Variants in COL5A3 observed in about 807,000 individuals in gnomAD.
COL5A3 encodes the protein collagen alpha-3(V) chain.
A neutral mutation model predicts 250.0 loss-of-function variants in COL5A3; 172 were observed. That is an observed-to-expected ratio of 0.69 (90% CI 0.61 to 0.78). The LOEUF (loss-of-function observed/expected upper bound fraction) is 0.78, where lower values mean the gene tolerates loss of function less well. Among genes scored for constraint, COL5A3 ranks in the 30% least tolerant of loss-of-function variants. The probability of loss-of-function intolerance (pLI) is 0.00; values close to 1 mark genes in which losing one functional copy is unlikely to be tolerated. For missense variants in COL5A3, 2,340 were observed against 2,334.4 expected (o/e 1.00, Z -0.05); for synonymous variants, 937 against 900.4 (o/e 1.04, Z -0.73).
intron 65 of COL5A3, among the ~76,000 whole-genome samples, chr19:9,961,792 T>A (rs954175503): frequency 6.6e-6 from 1 of 152,048 alleles, no homozygotes; most frequent in Non-Finnish European, 1.5e-5. Flanking sequence ...TCTCCTGACC[T>A]CGTGATCCGC....
intron 6 of COL5A3, among the ~76,000 whole-genome samples, chr19:10,002,935 C>A (rs1473469318): frequency 6.6e-6 from 1 of 152,122 alleles, no homozygotes; most frequent in Admixed American, 6.5e-5. Context: ...CCAACAACCC[C>A]CCAGTCATTG....
intron 4 of COL5A3, 142 bp downstream of exon 4, chr19:10,005,416 G>A (rs969602979): frequency 1.1e-5 from 9 of 799,638 alleles, no homozygotes; most frequent in African/African-American, 6.9e-5. Context: ...AACGGTGCAC[G>A]AAAGCATGAA....
intron 65 of COL5A3, 70 bp downstream of exon 65, chr19:9,962,749 A>C: frequency 1.6e-6 from 2 of 1,229,908 alleles, no homozygotes; most frequent in Non-Finnish European, 2.3e-6. Context: ...CTCAGAACCC[A>C]CCCCTCAAAC....
chr19:9,982,398 C>G (rs2087024086), intron 31 of COL5A3, among the ~76,000 whole-genome samples: 1 of 152,198 alleles, frequency 6.6e-6, no homozygotes, highest in African/African-American at 2.4e-5. Flanking sequence ...CCATTTAGAT[C>G]TCATTCAGAT....
rs926327725 is a variant in COL5A3 at position 9,960,987 on chromosome 19, A to AC, written c.4852-98dup. ...ATCTCCATCCACTGGCAGACAAGCCACCCCCCCCATGTCACCATCTCTGAG... is the reference window on the plus strand; with the variant it reads ...ATCTCCATCCACTGGCAGACAAGCCACCCCCCCCCATGTCACCATCTCTGAG... On this transcript the variant is annotated intron_variant, in intron 65 of 66. Transcript: ENST00000264828. 1,264 of 1,451,212 alleles carry AC rather than the reference A, an allele frequency of 8.7e-4. 2 individuals are homozygous for AC. The highest frequency in any genetic ancestry group is 3.2e-3 in the African/African-American group (226 of 69,714). 89.9% of individuals were successfully genotyped at this position (1,451,212 alleles called of 1,614,324 possible).
rs138241329 is a variant in COL5A3, at chr19:9,993,665, C to T, written c.1649G>A (p.Arg550His). Residue 550 changes from arginine (R) to histidine (H), a missense_variant, in exon 18 of 67, where the codon CGT (arginine) becomes CAT (histidine). Coordinates refer to ENST00000264828, the MANE Select transcript of COL5A3 (RefSeq NM_015719.4). The stretch of plus-strand genomic sequence containing the variant: ...CAGCCCAGGGAGGCCATCGAAGCCA[C>T]GATCACCCTGTCCAGAGACACCAGT... ...LPGDTGPKGD[R>H]GFDGLPGLPG... 94 of 1,614,118 alleles carry T rather than the reference C, an allele frequency of 5.8e-5. No individual in the cohort carries two copies. In the African/African-American group the frequency reaches 8.1e-4, roughly 14 times the overall value.
At chr19:9,999,006 T>C (rs893031163) in intron 8 of COL5A3, among the ~76,000 whole-genome samples, 3 of 129,124 alleles carry the variant, frequency 2.3e-5, no homozygotes, top group African/African-American at 8.5e-5. Context: ...CCTTTCTTTC[T>C]TTTCTTTCTT....
intron 31 of COL5A3, 133 bp from the exon 32 acceptor site, chr19:9,982,251 G>A: frequency 1.6e-6 from 1 of 606,480 alleles, no homozygotes; most frequent in Non-Finnish European, 2.9e-6. Flanking sequence ...TACAGCCCCA[G>A]CCTCCTACAA....
At chr19:10,006,507 G>A (rs2087446541) in intron 1 of COL5A3, among the ~76,000 whole-genome samples, 1 of 151,968 alleles carries the variant, frequency 6.6e-6, no homozygotes, top group African/African-American at 2.4e-5. Context: ...CTAGTTCTGG[G>A]ATGAATCAAA....
In COL5A3 at chr19:9,977,380, G is replaced by A. The variant is rs772405977; in HGVS notation, c.3219C>T (p.Gly1073=). The change falls in exon 43 of 67, where the codon GGC becomes GGT. Residue 1073 remains glycine (G), a synonymous_variant. Coordinates refer to ENST00000264828, the MANE Select transcript of COL5A3 (RefSeq NM_015719.4). ...AACCCCTCACCTTGTCCCCTTCCTC[G>A]CCAGAAGGCCCAGCAGCTCCAGGGG... ...LGPPGAAGPS[G]EEGDKGDVGA... The A allele has an allele frequency of 1.9e-5, 30 of 1,585,422 alleles. No individual in the cohort carries two copies. Among genetic ancestry groups the A allele is most frequent in the Middle Eastern group, 3.4e-4 (2 of 5,938 alleles).
Position 9,986,338 on chromosome 19 carries a change from G to GC in COL5A3, c.2328dup (p.Pro777AlafsTer26). ...ACCTTCTCCCCAGCTGAGCCTGGGG[G>GC]CCCCTCCTCGCCAGCCTGCCCCGCC... On this transcript the variant is annotated frameshift_variant, in exon 30 of 67. Coordinates refer to ENST00000264828, the MANE Select transcript of COL5A3 (RefSeq NM_015719.4). LOFTEE classifies it high-confidence loss of function. The GC allele has an allele frequency of 6.3e-7, 1 of 1,582,534 alleles. No homozygotes were observed. The highest frequency in any genetic ancestry group is 8.5e-7 in the Non-Finnish European group (1 of 1,171,336).
At chr19:9,994,561 T>C (rs1192330212) in intron 16 of COL5A3, among the ~76,000 whole-genome samples, 2 of 15,778 alleles carry the variant, frequency 1.3e-4, no homozygotes, top group East Asian at 2.2e-3. Context: ...ATGTTTTACA[T>C]ATATATATAT....
chr19:9,984,271 C>T (rs1017347907), intron 31 of COL5A3, among the ~76,000 whole-genome samples: 2 of 152,188 alleles, frequency 1.3e-5, no homozygotes, highest in Non-Finnish European at 1.5e-5. Flanking sequence ...GATCCACTCG[C>T]CTCGGCCTCC....
At chr19:9,983,926 C>A (rs577039199) in intron 31 of COL5A3, among the ~76,000 whole-genome samples, 13 of 150,234 alleles carry the variant, frequency 8.7e-5, no homozygotes, top group Non-Finnish European at 1.3e-4. Context: ...AAAAAAAAAA[C>A]CACTGTCAAA....
chr19:9,987,214 C>G (rs1487697804), intron 27 of COL5A3, among the ~76,000 whole-genome samples: 1 of 152,188 alleles, frequency 6.6e-6, no homozygotes, highest in East Asian at 1.9e-4. Flanking sequence ...CTGAAAACTG[C>G]ACTTGGCTAC....
chr19:9,965,156 C>CTTTTT (rs771519552), intron 64 of COL5A3, among the ~76,000 whole-genome samples: 3 of 100,302 alleles, frequency 3.0e-5, no homozygotes, highest in Non-Finnish European at 6.2e-5. Flanking sequence ...TTTTCTTTTT[C>CTTTTT]TTTTTTTTTT....
chr19:10,010,261 G>A lies in COL5A3; in HGVS notation c.88+37C>T, dbSNP rs745725381. The A allele has an allele frequency of 2.6e-5, 35 of 1,337,354 alleles. No homozygotes were observed. The African/African-American group carries it at 5.1e-4, about 19-fold the overall frequency. The allele number at this position is 1,337,354 out of a possible 1,614,324, so 82.8% of individuals were successfully genotyped here. A position where few individuals can be genotyped will look rare whatever the true frequency, so the allele number is the denominator to read the frequency against. On this transcript the variant is annotated intron_variant, in intron 1 of 66. Transcript: ENST00000264828. ...CGCTCTTTTAGAGCCTCTCTGAGTCGTGGACCCTGGGTCCCATCTCTTCCC... is the reference window on the plus strand; with the variant it reads ...CGCTCTTTTAGAGCCTCTCTGAGTCATGGACCCTGGGTCCCATCTCTTCCC...
At chr19:9,969,791 T>C (rs1052026338) in intron 55 of COL5A3, 78 bp downstream of exon 55, 122 of 1,588,124 alleles carry the variant, frequency 7.7e-5, no homozygotes, top group Non-Finnish European at 1.0e-4. Context: ...AGAGTGGTCA[T>C]AGGTCCACCC....
chr19:9,975,884 A>ATACAT (rs1319602142), intron 45 of COL5A3, among the ~76,000 whole-genome samples: 1 of 148,484 alleles, frequency 6.7e-6, no homozygotes, highest in African/African-American at 2.5e-5. Context: ...ATTGAGGGAA[A>ATACAT]TACATGGTTG....
Sources: allele counts gnomAD v4.1 joint callset (sites outside exome capture counted in the v4.1 genomes callset), GRCh38; gene constraint gnomAD v4.1.1; transcripts MANE v1.5; gene names NCBI Gene and HGNC (gene_info 2026-07-23, HGNC 2026-07-21).